Variants in C16orf87 observed in about 807,000 individuals in gnomAD.
C16orf87 encodes UPF0547 protein C16orf87.
Under a neutral mutation model 21.0 loss-of-function variants are expected in C16orf87, and 13 were observed. That is an observed-to-expected ratio of 0.62 (90% CI 0.40 to 0.98). The LOEUF is 0.98. Among genes scored for constraint, C16orf87 ranks in the 50% least tolerant of loss-of-function variants. C16orf87 has a pLI of 0.00. For synonymous variants in C16orf87, 49 were observed against 60.2 expected, an observed-to-expected ratio of 0.81 and a Z score of 0.86; for missense variants, 113 against 180.4, an observed-to-expected ratio of 0.63 and a Z score of 2.14.
At chr16:46,818,613 A>G (rs1318500485) in intron 2 of C16orf87, among the ~76,000 whole-genome samples, 2 of 152,052 alleles carry the variant, frequency 1.3e-5, no homozygotes, top group African/African-American at 4.8e-5. Context: ...ATTTTATTAA[A>G]TTTTAAATTC....
At chr16:46,811,332 C>T (rs1460714970) in intron 2 of C16orf87, among the ~76,000 whole-genome samples, 3 of 151,974 alleles carry the variant, frequency 2.0e-5, no homozygotes, top group Admixed American at 6.6e-5. Flanking sequence ...GGCAAAACCC[C>T]GTCTCTACTA....
intron 1 of C16orf87, among the ~76,000 whole-genome samples, chr16:46,825,309 C>CA (rs1245962213): frequency 6.6e-6 from 1 of 152,068 alleles, no homozygotes; most frequent in Admixed American, 6.6e-5. Flanking sequence ...GACAAAGGCC[C>CA]AAACTGATGA....
rs1254501937 is a variant in C16orf87 at position 46,799,952 on chromosome 16, T to C, written c.*3000A>G. ...CCATGCCTGGCCAATTAATACTTTA[T>C]ATAAAAGTAAGTAAAGAGCTTAATT... On this transcript the variant is annotated 3_prime_UTR_variant, in exon 4 of 4. Transcript: ENST00000285697. The C allele has an allele frequency of 6.6e-6, 1 of 152,188 alleles. No homozygotes were observed. Among genetic ancestry groups the C allele is most frequent in the Non-Finnish European group, 1.5e-5 (1 of 68,044 alleles). 9.4% of individuals were successfully genotyped at this position (152,188 alleles called of 1,614,324 possible). A position where few individuals can be genotyped will look rare whatever the true frequency, so the allele number is the denominator to read the frequency against.
Position 46,804,322 on chromosome 16 carries a change from T to C in C16orf87, c.347-1252A>G, listed in dbSNP as rs147528436. Among the ~76,000 whole-genome samples the C allele has an allele frequency of 8.5e-5, 13 of 152,318 alleles. No individual in the cohort carries two copies. In the East Asian group the frequency reaches 2.3e-3, roughly 27 times the overall value. The stretch of plus-strand genomic sequence containing the variant: ...ATGCTGGAGACTCTCATCTCTAGAG[T>C]TGGGTGGACCCACCTTTGTCTTGAA... On this transcript the variant is annotated intron_variant, in intron 3 of 3. Coordinates refer to ENST00000285697, the MANE Select transcript of C16orf87 (RefSeq NM_001001436.4).
At position 46,797,266 on chromosome 16, in the gene C16orf87, G is replaced by A. The variant is rs1967635381; in HGVS notation, c.*5686C>T. ...AAATGATAAATATTGTGGTAAATGT[G>A]ATAGACTGTTTTCCTCTTGGGTTCT... On this transcript the variant is annotated 3_prime_UTR_variant, in exon 4 of 4. Coordinates refer to ENST00000285697, the MANE Select transcript of C16orf87 (RefSeq NM_001001436.4). The A allele has an allele frequency of 4.6e-5, 7 of 152,196 alleles. No homozygotes were observed. 9.4% of individuals were successfully genotyped at this position (152,196 alleles called of 1,614,324 possible). A position where few individuals can be genotyped will look rare whatever the true frequency, so the allele number is the denominator to read the frequency against.
At chr16:46,828,387 A>T (rs1596831588) in intron 1 of C16orf87, among the ~76,000 whole-genome samples, 1 of 152,280 alleles carries the variant, frequency 6.6e-6, no homozygotes, top group Non-Finnish European at 1.5e-5. Context: ...TATTTTTTTT[A>T]AAAATGAAGG....
At chr16:46,827,474 T>C (rs975602732) in intron 1 of C16orf87, among the ~76,000 whole-genome samples, 33 of 152,274 alleles carry the variant, frequency 2.2e-4, no homozygotes, top group African/African-American at 7.2e-4. Context: ...AAAAAGAAAA[T>C]ATTCAAAGTA....
intron 2 of C16orf87, among the ~76,000 whole-genome samples, chr16:46,822,804 C>G (rs1959471069): frequency 6.6e-6 from 1 of 152,158 alleles, no homozygotes; most frequent in South Asian, 2.1e-4. Context: ...AAACTCAAAT[C>G]AGAGGATGCC....
intron 2 of C16orf87, among the ~76,000 whole-genome samples, chr16:46,820,163 A>C (rs1327718445): frequency 6.6e-6 from 1 of 152,252 alleles, no homozygotes; most frequent in Non-Finnish European, 1.5e-5. Flanking sequence ...ATCTAGCTAA[A>C]TCTATTCAGC....
intron 3 of C16orf87, among the ~76,000 whole-genome samples, chr16:46,805,857 T>C (rs549925139): frequency 6.6e-6 from 1 of 152,330 alleles, no homozygotes; most frequent in East Asian, 1.9e-4. Flanking sequence ...ACTTTTTTAC[T>C]TTTTTTACCT....
At chr16:46,827,939 T>G (rs1596830925) in intron 1 of C16orf87, among the ~76,000 whole-genome samples, 2 of 150,814 alleles carry the variant, frequency 1.3e-5, no homozygotes, top group South Asian at 2.1e-4. Context: ...TTCACTGATT[T>G]TTTTACTTTT....
chr16:46,823,733 A>T (rs961341898), intron 2 of C16orf87, among the ~76,000 whole-genome samples: 7 of 152,224 alleles, frequency 4.6e-5, no homozygotes, highest in African/African-American at 1.7e-4. Context: ...TGGATAAACA[A>T]ATCTCCATAC....
At chr16:46,807,464 G>A (rs1392494019) in intron 3 of C16orf87, among the ~76,000 whole-genome samples, 2 of 151,778 alleles carry the variant, frequency 1.3e-5, no homozygotes, top group East Asian at 3.9e-4. Context: ...AAAGAGATTG[G>A]CAAACTATAG....
At position 46,808,989 on chromosome 16, in the gene C16orf87, T is replaced by C. The variant is rs182780219; in HGVS notation, c.346+614A>G. Reference sequence around the variant, plus strand: ...CACAGTATAATAGTTTGAAGTAGTCTTAACAGAACTCAGACATGTCTTTAA... The same window carrying C: ...CACAGTATAATAGTTTGAAGTAGTCCTAACAGAACTCAGACATGTCTTTAA... On this transcript the variant is annotated intron_variant, in intron 3 of 3. Coordinates refer to ENST00000285697, the MANE Select transcript of C16orf87 (RefSeq NM_001001436.4). 1.2e-4 allele frequency among the ~76,000 whole-genome samples: 18 copies of C among 147,378 alleles called. No homozygotes were observed. In the Admixed American group the frequency reaches 1.2e-3, roughly 10 times the overall value.
intron 2 of C16orf87, among the ~76,000 whole-genome samples, chr16:46,816,306 T>C (rs1243525814): frequency 6.6e-6 from 1 of 152,214 alleles, no homozygotes; most frequent in Admixed American, 6.5e-5. Flanking sequence ...AATTGGATGG[T>C]AGTGATGGTT....
intron 1 of C16orf87, among the ~76,000 whole-genome samples, chr16:46,828,981 T>C (rs1486563326): frequency 6.6e-6 from 1 of 152,198 alleles, no homozygotes; most frequent in Admixed American, 6.5e-5. Context: ...ACTCATTAAA[T>C]TATGTACTAG....
chr16:46,817,321 T>C (rs889501754), intron 2 of C16orf87, among the ~76,000 whole-genome samples: 25 of 152,106 alleles, frequency 1.6e-4, no homozygotes, highest in African/African-American at 5.6e-4. Context: ...TTTCCAGAAA[T>C]AAAACAATTT....
At chr16:46,812,397 A>AT (rs1968115298) in intron 2 of C16orf87, among the ~76,000 whole-genome samples, 1 of 152,162 alleles carries the variant, frequency 6.6e-6, no homozygotes, top group Non-Finnish European at 1.5e-5. Context: ...ATTATCATTA[A>AT]TTTTTTATGT....
chr16:46,810,013 G>A (rs930389210), intron 2 of C16orf87, among the ~76,000 whole-genome samples: 1 of 152,172 alleles, frequency 6.6e-6, no homozygotes, highest in Non-Finnish European at 1.5e-5. Flanking sequence ...AATCTTGGAA[G>A]AGAAAACAAG....
Sources: gnomAD v4.1 joint callset for allele counts (sites outside exome capture counted in the v4.1 genomes callset) on GRCh38, gnomAD v4.1.1 for gene constraint, MANE v1.5 for transcripts, NCBI Gene and HGNC (gene_info 2026-07-23, HGNC 2026-07-21) for gene names.